Variants in PBRM1 observed in about 807,000 individuals in gnomAD.
The protein encoded by PBRM1 is polybromo 1.
Under a neutral mutation model 194.5 loss-of-function variants are expected in PBRM1, and 27 were observed. The observed-to-expected ratio is 0.14, with a 90% CI of 0.10 to 0.19. The LOEUF is 0.19. PBRM1 is among the 10% of genes least tolerant of loss of function. The pLI is 1.00. For synonymous variants in PBRM1, 655 were observed against 693.2 expected, an observed-to-expected ratio of 0.94 and a Z score of 0.87; for missense variants, 1,466 against 2,077.2, an observed-to-expected ratio of 0.71 and a Z score of 5.72.
chr3:52,604,531 T>C (rs936261895), intron 16 of PBRM1, among the ~76,000 whole-genome samples: 1 of 151,866 alleles, frequency 6.6e-6, no homozygotes, highest in Non-Finnish European at 1.5e-5. Context: ...CAAGACGCTG[T>C]CTCAACAAAA....
chr3:52,613,671 A>C (rs143799657), intron 15 of PBRM1, among the ~76,000 whole-genome samples: 220 of 151,844 alleles, frequency 1.4e-3, no homozygotes, highest in African/African-American at 5.0e-3. Context: ...TATATTTTTG[A>C]TATTTTTCAT....
At chr3:52,648,222 T>C in intron 7 of PBRM1, 122 bp downstream of exon 8, 1 of 614,358 alleles carries the variant, frequency 1.6e-6, no homozygotes, top group Non-Finnish European at 2.8e-6. Context: ...TAAACACTTT[T>C]AATGGGTAAA....
At chr3:52,637,773 CAA>C (rs755241328) in intron 10 of PBRM1, among the ~76,000 whole-genome samples, 49 of 42,232 alleles carry the variant, frequency 1.2e-3, no homozygotes, top group Non-Finnish European at 1.6e-3. Context: ...ACTAAAAATA[CAA>C]AAAAAAAAAA....
intron 13 of PBRM1, 36 bp downstream of exon 15, chr3:52,624,861 T>G: frequency 7.3e-7 from 1 of 1,378,882 alleles, no homozygotes; most frequent in Non-Finnish European, 1.0e-6. Flanking sequence ...AGATACACTT[T>G]AAAAGAATGT....
At chr3:52,681,153 T>G (rs2097197856), upstream of PBRM1, 1 of 151,392 alleles carries the variant, frequency 6.6e-6, no homozygotes, top group African/African-American at 2.4e-5. Flanking sequence ...TTCAGGACAC[T>G]ACGACACCAG....
intron 12 of PBRM1, 105 bp downstream of exon 13, chr3:52,628,789 T>C: frequency 2.9e-6 from 3 of 1,020,438 alleles, no homozygotes; most frequent in Admixed American, 1.9e-5. Flanking sequence ...GTAATATTAC[T>C]GCTGAGGGTG....
chr3:52,570,909 G>C (rs1435547690), intron 22 of PBRM1, among the ~76,000 whole-genome samples: 1 of 120,328 alleles, frequency 8.3e-6, no homozygotes. Flanking sequence ...TTTTTTTTTT[G>C]GTAGAGTTTC....
chr3:52,586,595 T>C (rs758502969), exon 20 of PBRM1: 1 of 1,614,072 alleles, frequency 6.2e-7, no homozygotes, highest in Non-Finnish European at 8.5e-7. Flanking sequence ...CACAGTTTAA[T>C]TTTCTTAAAA....
intron 10 of PBRM1, among the ~76,000 whole-genome samples, chr3:52,640,218 GGT>G (rs1449956391): frequency 1.5e-5 from 2 of 133,070 alleles, no homozygotes; most frequent in Non-Finnish European, 3.3e-5. Context: ...TTATTCGCCT[GGT>G]GTATCTTTTA....
intron 17 of PBRM1, among the ~76,000 whole-genome samples, chr3:52,590,177 A>T (rs1202420518): frequency 6.6e-6 from 1 of 151,876 alleles, no homozygotes; most frequent in African/African-American, 2.4e-5. Flanking sequence ...ACAGGCCGGT[A>T]GCGGCAGCTC....
At position 52,612,122 on chromosome 3, in the gene PBRM1, T is replaced by C. The variant is rs371831701; in HGVS notation, c.1925-2167A>G. On this transcript the variant is annotated intron_variant, in intron 15 of 29. Coordinates refer to ENST00000296302, the Ensembl canonical transcript of PBRM1. ...AAAATACACAAAAATCAGCCGGGCGTGGTGGTGCACACCTGTAGTCCCAGC... is the reference window on the plus strand; with the variant it reads ...AAAATACACAAAAATCAGCCGGGCGCGGTGGTGCACACCTGTAGTCCCAGC... Among the ~76,000 whole-genome samples the C allele has an allele frequency of 1.5e-4, 22 of 151,610 alleles. No homozygotes were observed. The East Asian group carries it at 4.3e-3, about 29-fold the overall frequency.
chr3:52,603,662 A>C, exon 17 of PBRM1: 1 of 1,613,262 alleles, frequency 6.2e-7, no homozygotes, highest in Non-Finnish European at 8.5e-7. Flanking sequence ...CCATTTTTGC[A>C]GAGTTCATCA....
At chr3:52,600,347 C>A (rs1396909299) in intron 17 of PBRM1, among the ~76,000 whole-genome samples, 3 of 152,192 alleles carry the variant, frequency 2.0e-5, no homozygotes, top group African/African-American at 7.2e-5. Context: ...CCTTATGTTA[C>A]CAAGCTTTGC....
At chr3:52,588,556 T>C (rs548077425) in intron 18 of PBRM1, among the ~76,000 whole-genome samples, 180 of 113,170 alleles carry the variant, frequency 1.6e-3, no homozygotes, top group East Asian at 7.7e-3. Flanking sequence ...TTCTTTCTTT[T>C]TTTTTTTTTT....
At chr3:52,667,043 G>A (rs141517731) in intron 3 of PBRM1, among the ~76,000 whole-genome samples, 38 of 152,258 alleles carry the variant, frequency 2.5e-4, no homozygotes, top group Non-Finnish European at 1.5e-5. Flanking sequence ...GCGAACAAAC[G>A]CAGAGAGAAT....
intron 10 of PBRM1, among the ~76,000 whole-genome samples, chr3:52,636,857 T>TC (rs1448487591): frequency 9.3e-6 from 1 of 107,038 alleles, no homozygotes; most frequent in African/African-American, 3.4e-5. Context: ...AGACTCCGCC[T>TC]TAAAAAAAAA....
intron 22 of PBRM1, among the ~76,000 whole-genome samples, chr3:52,569,603 A>G (rs2086409912): frequency 6.6e-6 from 1 of 152,206 alleles, no homozygotes; most frequent in Non-Finnish European, 1.5e-5. Flanking sequence ...TTAAAGATTA[A>G]TTTAGGGAGG....
chr3:52,604,098 T>C (rs965410375), intron 16 of PBRM1, among the ~76,000 whole-genome samples: 1 of 152,238 alleles, frequency 6.6e-6, no homozygotes, highest in African/African-American at 2.4e-5. Context: ...CAACACTTAC[T>C]CGTATCTATT....
chr3:52,609,931 T>C lies in PBRM1; in HGVS notation c.1949A>G (p.Lys650Arg). Residue 650 changes from lysine (K) to arginine (R), a missense_variant, in exon 16 of 30, where the codon AAA (lysine) becomes AGA (arginine). By Grantham distance (26) the Lys-to-Arg change is conservative. This residue lies in a region of PBRM1 where 687 missense variants were observed against 946.2 expected (regional missense o/e 0.73). Transcript: ENST00000296302. The surrounding 1 kb of genome is among the most constrained non-coding windows in gnomAD (Gnocchi z 4.1). ...CATTGGAGTCATGTATTTTGATTTT[T>C]TAGGAGAAATGCCACTCTTCCTACC... 1.3e-6 allele frequency: 2 copies of C among 1,519,558 alleles called. No homozygotes were observed. Among genetic ancestry groups the C allele is most frequent in the Non-Finnish European group, 1.8e-6 (2 of 1,133,586 alleles). 94.1% of individuals were successfully genotyped at this position (1,519,558 alleles called of 1,614,324 possible). A position where few individuals can be genotyped will look rare whatever the true frequency, so the allele number is the denominator to read the frequency against.
Sources: gnomAD v4.1 joint callset for allele counts (sites outside exome capture counted in the v4.1 genomes callset) on GRCh38, gnomAD v4.1.1 for gene constraint, gnomAD v4.1.1 regional missense constraint, Gnocchi (gnomAD v3.1) non-coding constraint, MANE v1.5 for transcripts, NCBI Gene and HGNC (gene_info 2026-07-23, HGNC 2026-07-21) for gene names.